NMD3: variants seen among roughly 807,000 people sequenced by gnomAD.
NMD3 encodes 60S ribosomal export protein NMD3.
In NMD3, 47 loss-of-function variants were observed where a neutral mutation model predicts 73.1. The ratio of observed to expected loss-of-function variants is 0.64; its 90% CI spans 0.51 to 0.82. The LOEUF (loss-of-function observed/expected upper bound fraction) is 0.82. Ranked by LOEUF, NMD3 falls within the 40% of genes least tolerant of loss-of-function variation. NMD3 has a pLI of 0.00. For synonymous variants in NMD3, 210 were observed against 194.5 expected (o/e 1.08, Z -0.66); for missense variants, 554 against 612.5 (o/e 0.90, Z 1.01).
At chr3:161,224,463 T>C (rs1736228778) in intron 2 of NMD3, among the ~76,000 whole-genome samples, 1 of 152,196 alleles carries the variant, frequency 6.6e-6, no homozygotes, top group Admixed American at 6.5e-5. Context: ...CTTTATCTAC[T>C]GCATCTTTGA....
intron 7 of NMD3, among the ~76,000 whole-genome samples, chr3:161,237,176 T>C (rs1736789846): frequency 6.6e-6 from 1 of 152,212 alleles, no homozygotes; most frequent in Non-Finnish European, 1.5e-5. Flanking sequence ...CTTTAGTAAT[T>C]TCTACTGTTT....
At chr3:161,239,325 A>G (rs1418084369) in intron 9 of NMD3, among the ~76,000 whole-genome samples, 1 of 152,212 alleles carries the variant, frequency 6.6e-6, no homozygotes, top group African/African-American at 2.4e-5. Flanking sequence ...ATTTAATTGT[A>G]CTAAGATAAA....
intron 5 of NMD3, among the ~76,000 whole-genome samples, chr3:161,234,085 G>T (rs1437677941): frequency 6.6e-6 from 1 of 152,100 alleles, no homozygotes; most frequent in Non-Finnish European, 1.5e-5. Flanking sequence ...TTTCTGATCA[G>T]TTATGTTTGG....
intron 4 of NMD3, among the ~76,000 whole-genome samples, chr3:161,231,447 G>A (rs74973293): frequency 0.04 from 6,153 of 152,266 alleles, 153 homozygotes; most frequent in South Asian, 0.13. Context: ...AGGGTATTGT[G>A]GGGATCACCT....
chr3:161,229,862 GTAGCTATGTGATT>G (rs1294814463), intron 4 of NMD3, among the ~76,000 whole-genome samples: 6 of 152,132 alleles, frequency 3.9e-5, no homozygotes, highest in African/African-American at 1.4e-4. Flanking sequence ...AAAGGAGTGA[GTAGCTATGTGATT>G]TGCAGCTGAT....
Position 161,241,027 on chromosome 3 carries a change from TGTTA to T in NMD3, c.754-15_754-12del, listed in dbSNP as rs1033632926. 5.4e-6 allele frequency: 8 copies of T among 1,483,054 alleles called. No homozygotes were observed. The African/African-American group carries it at 9.7e-5, about 18-fold the overall frequency. 91.9% of individuals were successfully genotyped at this position (1,483,054 alleles called of 1,614,324 possible). A position where few individuals can be genotyped will look rare whatever the true frequency, so the allele number is the denominator to read the frequency against. ...TATTTAGGATATGCCTCATTCTAAATGTTAGTTCTTATGCCTAGGATAATGTTGT... is the reference window on the plus strand; with the variant it reads ...TATTTAGGATATGCCTCATTCTAAATGTTCTTATGCCTAGGATAATGTTGT... On this transcript the variant is annotated splice_polypyrimidine_tract_variant and intron_variant, in intron 9 of 15. Transcript: ENST00000351193.
chr3:161,250,240 A>C lies in NMD3; in HGVS notation c.1311-16A>C, dbSNP rs771154155. 14 of 1,392,364 alleles carry C rather than the reference A, an allele frequency of 1.0e-5. No individual in the cohort carries two copies. In the Admixed American group the frequency reaches 2.4e-4, roughly 24 times the overall value. 86.3% of individuals were successfully genotyped at this position (1,392,364 alleles called of 1,614,324 possible). On this transcript the variant is annotated splice_polypyrimidine_tract_variant and intron_variant, in intron 14 of 15. Transcript: ENST00000351193. ...CTATATTTTTGGTGATGAAATATTT[A>C]AATGTTTATTTAAAGGCAATACCAA...
rs534660888 is a variant in NMD3 at position 161,247,305 on chromosome 3, T to C, written c.1178T>C (p.Met393Thr). The C allele has an allele frequency of 3.2e-5, 52 of 1,611,174 alleles. No homozygotes were observed. Among genetic ancestry groups the C allele is most frequent in the Non-Finnish European group, 4.2e-5 (50 of 1,177,724 alleles). The change falls in exon 13 of 16, where the codon ATG becomes ACG. Residue 393 changes from methionine (M) to threonine (T), a missense_variant. Transcript: ENST00000351193. Reference sequence around the variant, plus strand: ...TTAAATGATGAGCATGTCAACAAAATGAACTCAGATAGAGTTCCAGATGTG... The same window carrying C: ...TTAAATGATGAGCATGTCAACAAAACGAACTCAGATAGAGTTCCAGATGTG... ...CNLNDEHVNK[M>T]NSDRVPDVVL...
chr3:161,231,149 C>T (rs1204474637), intron 4 of NMD3, among the ~76,000 whole-genome samples: 1 of 152,142 alleles, frequency 6.6e-6, no homozygotes. Flanking sequence ...TGAGTGTGTA[C>T]ATGAGAATAA....
upstream of NMD3, chr3:161,221,206 T>C (rs1736054207): frequency 6.6e-6 from 1 of 152,178 alleles, no homozygotes; most frequent in African/African-American, 2.4e-5. Context: ...GCCGCTCCCA[T>C]CACCCTTCCG....
In NMD3 at chr3:161,227,298, A is replaced by G; in HGVS notation, c.231A>G (p.Glu77=). ...TWIQCALESR[E]LLALCLKKIK... Reference sequence around the variant, plus strand: ...TACAGTGTGCTTTAGAATCCAGGGAACTTCTTGCTTTGTGCTTGAAAAAAA... The same window carrying G: ...TACAGTGTGCTTTAGAATCCAGGGAGCTTCTTGCTTTGTGCTTGAAAAAAA... The change falls in exon 4 of 16, where the codon GAA becomes GAG. Residue 77 remains glutamate (E), a synonymous_variant. Transcript: ENST00000351193. The G allele has an allele frequency of 6.2e-7, 1 of 1,613,080 alleles. No individual in the cohort carries two copies. The highest frequency in any genetic ancestry group is 8.5e-7 in the Non-Finnish European group (1 of 1,179,538).
At chr3:161,221,882 TATTA>T in intron 1 of NMD3, 108 bp from the exon 2 acceptor site, 1 of 643,382 alleles carries the variant, frequency 1.6e-6, no homozygotes, top group Non-Finnish European at 2.6e-6. Flanking sequence ...TCTGTGAATA[TATTA>T]ATTATTCAGA....
chr3:161,233,500 T>C, intron 5 of NMD3, 21 bp downstream of exon 5: 1 of 1,474,378 alleles, frequency 6.8e-7, no homozygotes. Flanking sequence ...CATAATTTTC[T>C]CAGCATGGTT....
intron 8 of NMD3, 44 bp downstream of exon 8, chr3:161,238,235 A>G: frequency 1.7e-6 from 2 of 1,178,706 alleles, no homozygotes; most frequent in Middle Eastern, 2.0e-4. Flanking sequence ...AGGACTTGGG[A>G]ATGGATGCGG....
Position 161,222,109 on chromosome 3 carries a change from C to A in NMD3, c.44+52C>A, listed in dbSNP as rs371753858. 2.9e-5 allele frequency: 42 copies of A among 1,456,208 alleles called. 1 individual carries two copies. Among genetic ancestry groups the A allele is most frequent in the Non-Finnish European group, 3.9e-5 (41 of 1,039,688 alleles). 90.2% of individuals were successfully genotyped at this position (1,456,208 alleles called of 1,614,324 possible). A position where few individuals can be genotyped will look rare whatever the true frequency, so the allele number is the denominator to read the frequency against. On this transcript the variant is annotated intron_variant, in intron 2 of 15. Coordinates refer to ENST00000351193, the MANE Select transcript of NMD3 (RefSeq NM_015938.5). ...CTTAAATGTGAAAATCTTCAGTGAG[C>A]CCGGGAAACTCACTATGGAGAACGC...
At chr3:161,225,870 G>A (rs565059254) in intron 3 of NMD3, among the ~76,000 whole-genome samples, 5 of 151,974 alleles carry the variant, frequency 3.3e-5, no homozygotes, top group East Asian at 3.9e-4. Flanking sequence ...GTGTGTGTGT[G>A]TATATATACA....
chr3:161,253,436 A>G (rs772824281), downstream of NMD3: 4 of 152,198 alleles, frequency 2.6e-5, no homozygotes, highest in Non-Finnish European at 4.4e-5. Flanking sequence ...CCATTTACCT[A>G]GATTTGCCAA....
At chr3:161,235,718 T>C (rs747959773) in intron 7 of NMD3, among the ~76,000 whole-genome samples, 2 of 152,186 alleles carry the variant, frequency 1.3e-5, no homozygotes, top group Non-Finnish European at 2.9e-5. Flanking sequence ...GTTTCTTTTA[T>C]GATATTCACC....
chr3:161,253,451 A>G (rs1711519931), downstream of NMD3: 1 of 152,220 alleles, frequency 6.6e-6, no homozygotes. Flanking sequence ...TGCCAAATGT[A>G]AACAATTTGC....
Sources: gnomAD v4.1 joint callset for allele counts (sites outside exome capture counted in the v4.1 genomes callset) on GRCh38, gnomAD v4.1.1 for gene constraint, MANE v1.5 for transcripts, NCBI Gene and HGNC (gene_info 2026-07-23, HGNC 2026-07-21) for gene names.